Variants in DTD1 observed in about 807,000 individuals in gnomAD.
DTD1 encodes the protein D-tyrosyl-tRNA deacylase 1 homolog.
A neutral mutation model predicts 25.6 loss-of-function variants in DTD1; 13 were observed. That is an observed-to-expected ratio of 0.51 (90% confidence interval 0.33 to 0.81). DTD1 has a LOEUF of 0.81. DTD1 is among the 30% of genes least tolerant of loss of function. The pLI, the probability that DTD1 is intolerant of heterozygous loss-of-function variation, is 0.02. For missense variants in DTD1, 193 were observed against 266.4 expected, an observed-to-expected ratio of 0.72 and a Z score of 1.92; for synonymous variants, 110 against 103.6, an observed-to-expected ratio of 1.06 and a Z score of -0.37.
At chr20:18,753,227 A>G (rs2061327122) in intron 5 of DTD1, among the ~76,000 whole-genome samples, 1 of 152,198 alleles carries the variant, frequency 6.6e-6, no homozygotes, top group African/African-American at 2.4e-5. Flanking sequence ...CTATTCTATC[A>G]TTGCAGAAAA....
rs576528079 is a variant in DTD1, at chr20:18,690,590, T to A, written c.478-53510T>A. On this transcript the variant is annotated intron_variant, in intron 4 of 5. Coordinates refer to ENST00000377452, the MANE Select transcript of DTD1 (RefSeq NM_080820.6). ...AGTCAGTTATCCCAGCATCCTTTAT[T>A]AAATAGGGAGTGCTTTCCCCATTGC... Among the ~76,000 whole-genome samples the A allele has an allele frequency of 4.6e-4, 70 of 152,338 alleles. No homozygotes were observed. In the South Asian group the frequency reaches 0.015, roughly 32 times the overall value.
intron 3 of DTD1, among the ~76,000 whole-genome samples, chr20:18,615,431 A>G (rs543270006): frequency 6.6e-6 from 1 of 152,342 alleles, no homozygotes; most frequent in South Asian, 2.1e-4. Flanking sequence ...GGCACAGGAA[A>G]CTGGGTCACT....
At chr20:18,690,742 G>A (rs1477522435) in intron 4 of DTD1, among the ~76,000 whole-genome samples, 1 of 151,030 alleles carries the variant, frequency 6.6e-6, no homozygotes, top group Non-Finnish European at 1.5e-5. Context: ...TTTGGTTACT[G>A]TAGCCTTATA....
intron 4 of DTD1, among the ~76,000 whole-genome samples, chr20:18,636,801 A>G (rs1364987426): frequency 6.6e-6 from 1 of 152,132 alleles, no homozygotes; most frequent in Non-Finnish European, 1.5e-5. Context: ...TGGACTGGGG[A>G]CTGTTGTGTG....
intron 5 of DTD1, among the ~76,000 whole-genome samples, chr20:18,759,189 C>T (rs9653634): frequency 0.24 from 36,414 of 152,040 alleles, 4,789 homozygotes; most frequent in East Asian, 0.36. Context: ...ACTCTTTATC[C>T]GATTTGCCAG....
intron 3 of DTD1, among the ~76,000 whole-genome samples, chr20:18,596,730 CT>C (rs139465381): frequency 0.15 from 21,487 of 146,840 alleles, 1,888 homozygotes; most frequent in Non-Finnish European, 0.2. Context: ...TTTACATTCT[CT>C]TTTTTTTTTT....
At chr20:18,673,864 G>C (rs1398781411) in intron 4 of DTD1, among the ~76,000 whole-genome samples, 1 of 150,728 alleles carries the variant, frequency 6.6e-6, no homozygotes, top group East Asian at 1.9e-4. Flanking sequence ...CCATTTTAGA[G>C]AAAAATGTTT....
chr20:18,750,429 C>T (rs56410951), intron 5 of DTD1, among the ~76,000 whole-genome samples: 5,770 of 152,214 alleles, frequency 0.038, 144 homozygotes, highest in Non-Finnish European at 0.06. Context: ...ACAGAAAGAG[C>T]CCTAGGGAAT....
intron 4 of DTD1, among the ~76,000 whole-genome samples, chr20:18,636,623 C>G (rs1204884900): frequency 2.0e-5 from 3 of 152,070 alleles, no homozygotes; most frequent in Admixed American, 6.6e-5. Context: ...TAGGATGGGT[C>G]AGTGGGGTGT....
chr20:18,588,353 G>C (rs2060574707), intron 1 of DTD1, among the ~76,000 whole-genome samples: 1 of 152,098 alleles, frequency 6.6e-6, no homozygotes, highest in African/African-American at 2.4e-5. Context: ...CCTGGCTTCC[G>C]GCTCTCGGCA....
intron 1 of DTD1, among the ~76,000 whole-genome samples, chr20:18,590,017 C>T (rs1600301892): frequency 6.6e-6 from 1 of 152,244 alleles, no homozygotes; most frequent in East Asian, 1.9e-4. Flanking sequence ...TGGCTGGTTT[C>T]ACTGAAATGT....
intron 1 of DTD1, among the ~76,000 whole-genome samples, chr20:18,589,132 C>T (rs756714109): frequency 6.6e-6 from 1 of 152,148 alleles, no homozygotes; most frequent in Non-Finnish European, 1.5e-5. Flanking sequence ...GGGCAGATCA[C>T]CTGAGGCCAG....
At chr20:18,599,265 C>T (rs940552409) in intron 3 of DTD1, among the ~76,000 whole-genome samples, 1 of 150,942 alleles carries the variant, frequency 6.6e-6, no homozygotes, top group African/African-American at 2.4e-5. Context: ...ACCTCTGACT[C>T]ACGGGTTCAA....
intron 4 of DTD1, among the ~76,000 whole-genome samples, chr20:18,690,361 T>A (rs1381393423): frequency 6.6e-6 from 1 of 152,186 alleles, no homozygotes; most frequent in Non-Finnish European, 1.5e-5. Context: ...TAGGTTCCAC[T>A]TGTTAATTTT....
chr20:18,697,800 T>A (rs2061084728), intron 4 of DTD1, among the ~76,000 whole-genome samples: 1 of 152,226 alleles, frequency 6.6e-6, no homozygotes, highest in Non-Finnish European at 1.5e-5. Flanking sequence ...TTCTCCTGCC[T>A]CAGCCTCTCG....
intron 4 of DTD1, among the ~76,000 whole-genome samples, chr20:18,706,314 G>A (rs910067055): frequency 1.3e-5 from 2 of 152,172 alleles, no homozygotes; most frequent in Non-Finnish European, 2.9e-5. Flanking sequence ...TTGTTTGGGG[G>A]GATTGCTCTT....
Position 18,708,260 on chromosome 20 carries a change from ATATT to A in DTD1, c.478-35838_478-35835del, listed in dbSNP as rs1488418947. Among the ~76,000 whole-genome samples, 144 of 27,800 alleles carry A rather than the reference ATATT, an allele frequency of 5.2e-3. 13 individuals are homozygous for A. The highest frequency in any genetic ancestry group is 8.1e-3 in the Non-Finnish European group (108 of 13,288). The allele number at this position is 27,800 out of a possible 152,430, so 18.2% of individuals were successfully genotyped here. On this transcript the variant is annotated intron_variant, in intron 4 of 5. Transcript: ENST00000377452. The stretch of plus-strand genomic sequence containing the variant: ...TATATATATAATATATATTATATAT[ATATT>A]TTATATATATATAATATATATTATA...
chr20:18,729,791 G>C (rs1701858547), intron 4 of DTD1, among the ~76,000 whole-genome samples: 1 of 152,124 alleles, frequency 6.6e-6, no homozygotes, highest in South Asian at 2.1e-4. Flanking sequence ...CCATACCCAG[G>C]GCCTTCCTGC....
In DTD1 at chr20:18,715,324, G is replaced by A. The variant is rs544164718; in HGVS notation, c.478-28776G>A. ...CCCTGTTGTTGATGGTGTGCTCCAG[G>A]CTGAGTCAGCCTCCCCACCCACCCT... On this transcript the variant is annotated intron_variant, in intron 4 of 5. Coordinates refer to ENST00000377452, the MANE Select transcript of DTD1 (RefSeq NM_080820.6). Among the ~76,000 whole-genome samples the A allele has an allele frequency of 1.3e-3, 195 of 152,266 alleles. 1 individual carries two copies. The highest frequency in any genetic ancestry group is 4.6e-3 in the African/African-American group (191 of 41,556).
Sources: allele counts gnomAD v4.1 joint callset (sites outside exome capture counted in the v4.1 genomes callset), GRCh38; gene constraint gnomAD v4.1.1; transcripts MANE v1.5; gene names NCBI Gene and HGNC (gene_info 2026-07-23, HGNC 2026-07-21).